The following PSG2 variants were observed in gnomAD, a reference collection of about 807,000 sequenced individuals.
The protein encoded by PSG2 is pregnancy-specific beta-1-glycoprotein 2.
Under a neutral mutation model 36.2 loss-of-function variants are expected in PSG2, and 49 were observed. That is an observed-to-expected ratio of 1.35 (90% CI 1.08 to 1.72). PSG2 has a LOEUF of 1.72. PSG2 is among the 40% of genes most tolerant of loss of function. The pLI, the probability that PSG2 is intolerant of heterozygous loss-of-function variation, is 0.00. For missense variants in PSG2, 605 were observed against 407.2 expected, an observed-to-expected ratio of 1.49 and a Z score of -4.18; for synonymous variants, 261 against 155.6, an observed-to-expected ratio of 1.68 and a Z score of -5.04.
At position 43,081,088 on chromosome 19, in the gene PSG2, G is replaced by T. The variant is rs747100061; in HGVS notation, c.223C>A (p.Leu75Ile). 8 of 1,612,848 alleles carry T rather than the reference G, an allele frequency of 5.0e-6. No individual in the cohort carries two copies. The highest frequency in any genetic ancestry group is 6.8e-6 in the Non-Finnish European group (8 of 1,179,668). The change falls in exon 2 of 6, where the codon CTC becomes ATC. Residue 75 changes from leucine to isoleucine, a missense_variant. By Grantham distance (5) the Leu-to-Ile change is conservative (BLOSUM62 2). Transcript: ENST00000406487. ...YIWYKGQIRD[L>I]YHYITSYVVD... ...ACATATGATGTAATGTAATGGTAGA[G>T]GTCCCTGATTTGCCCTTTGTACCAG...
chr19:43,066,094 C>A (rs1444533806), intron 5 of PSG2, among the ~76,000 whole-genome samples: 5 of 151,532 alleles, frequency 3.3e-5, no homozygotes, highest in East Asian at 3.9e-4. Context: ...TTGATTAAAT[C>A]AATTAACCAG....
rs9676914 is a variant in PSG2 at position 43,082,683 on chromosome 19, T to C, written c.-114A>G. On this transcript the variant is annotated 5_prime_UTR_variant, in exon 1 of 6. Coordinates refer to ENST00000406487, the MANE Select transcript of PSG2 (RefSeq NM_031246.4). ...CCTCCTTCTGCACTGAGCCTCTTCC[T>C]GGGGCAGCAGCAATTCCCAGGCTCA... The C allele has an allele frequency of 0.72, 1,077,831 of 1,494,648 alleles. 394,223 individuals are homozygous for C. The highest frequency in any genetic ancestry group is 1 in the East Asian group (43,421 of 43,518). The allele number at this position is 1,494,648 out of a possible 1,614,324, so 92.6% of individuals were successfully genotyped here. A position where few individuals can be genotyped will look rare whatever the true frequency, so the allele number is the denominator to read the frequency against.
At chr19:43,074,252 AG>A (rs1967860285) in intron 3 of PSG2, among the ~76,000 whole-genome samples, 1 of 151,528 alleles carries the variant, frequency 6.6e-6, no homozygotes, top group Admixed American at 6.6e-5. Flanking sequence ...TGATTCTGGG[AG>A]GGGTTGCATT....
Position 43,072,582 on chromosome 19 carries a change from C to G in PSG2, c.710-628G>C. 1.9e-6 allele frequency: 3 copies of G among 1,611,352 alleles called. No individual in the cohort carries two copies. The South Asian group carries it at 3.3e-5, about 18-fold the overall frequency. On this transcript the variant is annotated intron_variant, in intron 3 of 5. Coordinates refer to ENST00000406487, the MANE Select transcript of PSG2 (RefSeq NM_031246.4). Reference sequence around the variant, plus strand: ...GTGAAGGCTAATACATCCTTATTCTCCCTGGGGTTTAAGTTGTTGATGGTG... The same window carrying G: ...GTGAAGGCTAATACATCCTTATTCTGCCTGGGGTTTAAGTTGTTGATGGTG...
intron 2 of PSG2, among the ~76,000 whole-genome samples, chr19:43,077,028 G>C (rs1192342327): frequency 6.6e-6 from 1 of 151,560 alleles, no homozygotes; most frequent in Non-Finnish European, 1.5e-5. Context: ...CCCATAAAAA[G>C]TTGTCAGGAG....
intron 2 of PSG2, among the ~76,000 whole-genome samples, chr19:43,076,609 A>G (rs1967899539): frequency 6.6e-6 from 1 of 151,572 alleles, no homozygotes; most frequent in Non-Finnish European, 1.5e-5. Flanking sequence ...TACCCTATGT[A>G]CCTCATATCA....
intron 3 of PSG2, chr19:43,072,670 T>C: frequency 2.5e-6 from 4 of 1,604,032 alleles, no homozygotes; most frequent in Non-Finnish European, 3.4e-6. Context: ...GTGTGGCACT[T>C]TTGATTCCTC....
chr19:43,066,133 T>C (rs1453255521), intron 5 of PSG2, among the ~76,000 whole-genome samples: 1 of 151,750 alleles, frequency 6.6e-6, no homozygotes. Context: ...GGCAATCATA[T>C]GCAAGGAAGA....
chr19:43,080,857 C>T lies in PSG2; in HGVS notation c.430+24G>A, dbSNP rs534644239. ...GAAATGACCCCTGTCCCCCAACACC[C>T]AGGGATCATGTGGAATCACTTACGG... On this transcript the variant is annotated intron_variant, in intron 2 of 5. Coordinates refer to ENST00000406487, the MANE Select transcript of PSG2 (RefSeq NM_031246.4). 18 of 1,611,768 alleles carry T rather than the reference C, an allele frequency of 1.1e-5. No individual in the cohort carries two copies. The Admixed American group carries it at 3.0e-4, about 27-fold the overall frequency.
chr19:43,066,134 G>C (rs1317026443), intron 5 of PSG2, among the ~76,000 whole-genome samples: 2 of 151,732 alleles, frequency 1.3e-5, no homozygotes, highest in African/African-American at 4.9e-5. Flanking sequence ...GCAATCATAT[G>C]CAAGGAAGAT....
At position 43,080,345 on chromosome 19, in the gene PSG2, A is replaced by G. The variant is rs115020521; in HGVS notation, c.430+536T>C. Among the ~76,000 whole-genome samples the G allele has an allele frequency of 3.0e-3, 458 of 151,850 alleles. 13 individuals are homozygous for G. The highest frequency in any genetic ancestry group is 6.7e-3 in the African/African-American group (275 of 41,248). On this transcript the variant is annotated intron_variant, in intron 2 of 5. Transcript: ENST00000406487. ...GATGAGGCTCTGAGGGCTGAGCCCTAGCTGGTGAACAGCTCCAGGAGACAC... is the reference window on the plus strand; with the variant it reads ...GATGAGGCTCTGAGGGCTGAGCCCTGGCTGGTGAACAGCTCCAGGAGACAC...
rs909372997 is a variant in PSG2 at position 43,082,636 on chromosome 19, G to A, written c.-67C>T. ...TAGGATCCAGAAACTTCCTGAGCAC[G>A]GCTGTCAGCTGTGCTGTCCTTCCTC... On this transcript the variant is annotated 5_prime_UTR_variant, in exon 1 of 6. Coordinates refer to ENST00000406487, the MANE Select transcript of PSG2 (RefSeq NM_031246.4). 2.1e-5 allele frequency: 34 copies of A among 1,585,332 alleles called. 1 individual carries two copies. Among genetic ancestry groups the A allele is most frequent in the African/African-American group, 2.0e-4 (15 of 73,304 alleles).
At chr19:43,072,277 A>T (rs1168344232) in intron 3 of PSG2, 2 of 1,586,142 alleles carry the variant, frequency 1.3e-6, no homozygotes, top group African/African-American at 1.4e-5. Context: ...TGGACCGGAG[A>T]GAGACTGAGA....
In PSG2 at chr19:43,075,559, G is replaced by A. The variant is rs769298065; in HGVS notation, c.504C>T (p.Thr168=). The A allele has an allele frequency of 1.9e-6, 3 of 1,613,172 alleles. No individual in the cohort carries two copies. The highest frequency in any genetic ancestry group is 2.2e-5 in the East Asian group (1 of 44,890). Reference sequence around the variant, plus strand: ...TTGTGTCCGGAGTCTCAGGATCACAGGTTAAGATCACAGTTTCCATGGCCT... The same window carrying A: ...TTGTGTCCGGAGTCTCAGGATCACAAGTTAAGATCACAGTTTCCATGGCCT... ...PREAMETVIL[T]CDPETPDTSY... is the part of the protein sequence containing the mutation. The change falls in exon 3 of 6, where the codon ACC becomes ACT. Residue 168 remains threonine, a synonymous_variant. Transcript: ENST00000406487.
intron 1 of PSG2, chr19:43,082,115 C>T (rs77577643): frequency 0.43 from 52,957 of 124,232 alleles, 11,584 homozygotes; most frequent in African/African-American, 0.6. Flanking sequence ...TTATTTCTTT[C>T]TTCTCTCTTT....
chr19:43,082,124 T>C (rs111687898), intron 1 of PSG2: 532 of 20,234 alleles, frequency 0.026, 4 homozygotes, highest in Non-Finnish European at 0.029. Context: ...TCTTCTCTCT[T>C]TTTTTTTTTT....
rs1184478811 is a variant in PSG2 at position 43,075,547 on chromosome 19, C to A, written c.516G>T (p.Glu172Asp). The A allele has an allele frequency of 2.5e-6, 4 of 1,613,204 alleles. No individual in the cohort carries two copies. The Admixed American group carries it at 6.7e-5, about 27-fold the overall frequency. ...ACCACTGGTAGCTTGTGTCCGGAGT[C>A]TCAGGATCACAGGTTAAGATCACAG... ...METVILTCDP[E>D]TPDTSYQWWM... The change falls in exon 3 of 6, where the codon GAG becomes GAT. Residue 172 changes from glutamate to aspartate, a missense_variant. Glu to Asp is a conservative substitution (Grantham distance 45, BLOSUM62 2). Coordinates refer to ENST00000406487, the MANE Select transcript of PSG2 (RefSeq NM_031246.4).
chr19:43,079,970 A>G (rs1454689716), intron 2 of PSG2, among the ~76,000 whole-genome samples: 1 of 151,726 alleles, frequency 6.6e-6, no homozygotes, highest in Non-Finnish European at 1.5e-5. Context: ...TTTTCTCTCA[A>G]TCAAATAAGC....
Position 43,075,573 on chromosome 19 carries a change from T to A in PSG2, c.490A>T (p.Thr164Ser), listed in dbSNP as rs199796629. ...SNLNPREAME[T>S]VILTCDPETP... ...TCAGGATCACAGGTTAAGATCACAG[T>A]TTCCATGGCCTCCCTGGGGTTTAAG... is the stretch of plus-strand genomic sequence containing the variant. The change falls in exon 3 of 6, where the codon ACT becomes TCT. Residue 164 changes from threonine to serine, a missense_variant. Transcript: ENST00000406487. 5.6e-6 allele frequency: 9 copies of A among 1,613,110 alleles called. 1 individual carries two copies. Among genetic ancestry groups the A allele is most frequent in the Non-Finnish European group, 7.6e-6 (9 of 1,179,762 alleles).
Sources: gnomAD v4.1 joint callset for allele counts (sites outside exome capture counted in the v4.1 genomes callset) on GRCh38, gnomAD v4.1.1 for gene constraint, MANE v1.5 for transcripts, NCBI Gene and HGNC (gene_info 2026-07-23, HGNC 2026-07-21) for gene names.